CYFIP2: variants seen among roughly 807,000 people sequenced by gnomAD.
CYFIP2 encodes cytoplasmic FMR1 interacting protein 2, also known as cytoplasmic FMR1-interacting protein 2.
A neutral mutation model predicts 158.7 loss-of-function variants in CYFIP2; 29 were observed. The ratio of observed to expected loss-of-function variants is 0.18; its 90% confidence interval spans 0.14 to 0.25. The LOEUF is 0.25. CYFIP2 is among the 10% of genes least tolerant of loss of function. The probability of loss-of-function intolerance (pLI) is 1.00; values close to 1 mark genes in which losing one functional copy is unlikely to be tolerated. For synonymous variants in CYFIP2, 585 were observed against 617.6 expected, an observed-to-expected ratio of 0.95 and a Z score of 0.78; for missense variants, 852 against 1,639.5, an observed-to-expected ratio of 0.52 and a Z score of 8.29.
chr5:157,299,488 C>T (rs1758558809), intron 5 of CYFIP2, among the ~76,000 whole-genome samples: 1 of 152,240 alleles, frequency 6.6e-6, no homozygotes, highest in Admixed American at 6.5e-5. Flanking sequence ...TGATCTTCCT[C>T]CTTAGAAGGA....
chr5:157,272,555 C>T (rs543521517), intron 1 of CYFIP2, among the ~76,000 whole-genome samples: 1 of 152,310 alleles, frequency 6.6e-6, no homozygotes, highest in Admixed American at 6.5e-5. Context: ...TAGTAGCTGC[C>T]TCCAGATCTC....
intron 20 of CYFIP2, 104 bp downstream of exon 20, chr5:157,330,954 A>G: frequency 2.3e-6 from 2 of 856,216 alleles, no homozygotes; most frequent in East Asian, 2.6e-5. Flanking sequence ...TCTGCCCGGC[A>G]TGTTGCCAGT....
intron 9 of CYFIP2, among the ~76,000 whole-genome samples, chr5:157,308,230 C>A (rs1033715653): frequency 6.6e-6 from 1 of 151,502 alleles, no homozygotes; most frequent in Non-Finnish European, 1.5e-5. Flanking sequence ...AGCACCTGCT[C>A]TAATTTCCAG....
At position 157,317,813 on chromosome 5, in the gene CYFIP2, C is replaced by A. The variant is rs78766889; in HGVS notation, c.1357-1949C>A. 1.4e-4 allele frequency among the ~76,000 whole-genome samples: 22 copies of A among 152,320 alleles called. No individual in the cohort carries two copies. In the East Asian group the frequency reaches 4.2e-3, roughly 29 times the overall value. On this transcript the variant is annotated intron_variant, in intron 13 of 30. Coordinates refer to ENST00000620254, the MANE Select transcript of CYFIP2 (RefSeq NM_001037333.3). Reference sequence around the variant, plus strand: ...TACCAACAAAATGTAAAACTCCTTACAAAATAGTCCATCACAGTCATCATT... The same window carrying A: ...TACCAACAAAATGTAAAACTCCTTAAAAAATAGTCCATCACAGTCATCATT...
intron 23 of CYFIP2, among the ~76,000 whole-genome samples, chr5:157,346,070 C>A (rs1193293058): frequency 1.3e-5 from 2 of 151,912 alleles, no homozygotes; most frequent in African/African-American, 4.8e-5. Context: ...TTATCTTCAT[C>A]TTTCTTTATT....
intron 1 of CYFIP2, among the ~76,000 whole-genome samples, chr5:157,284,936 C>T (rs764794252): frequency 2.0e-5 from 3 of 152,136 alleles, no homozygotes; most frequent in Non-Finnish European, 2.9e-5. Context: ...TCATAAATAT[C>T]CTTATGAAGA....
chr5:157,342,906 C>T, intron 23 of CYFIP2: 1 of 1,614,102 alleles, frequency 6.2e-7, no homozygotes, highest in Non-Finnish European at 8.5e-7. Flanking sequence ...TCACCACCCC[C>T]CCTCTGTAAG....
chr5:157,267,820 G>A (rs1482789096), intron 1 of CYFIP2, among the ~76,000 whole-genome samples: 2 of 152,266 alleles, frequency 1.3e-5, no homozygotes, highest in Non-Finnish European at 2.9e-5. Context: ...TGGAGGTGGG[G>A]AGCTGGGTAG....
intron 5 of CYFIP2, among the ~76,000 whole-genome samples, chr5:157,299,284 G>A (rs1433145607): frequency 6.6e-6 from 1 of 152,126 alleles, no homozygotes; most frequent in African/African-American, 2.4e-5. Flanking sequence ...ACAAAGGCCT[G>A]CAAGAGACAG....
intron 29 of CYFIP2, 32 bp from the exon 30 acceptor site, chr5:157,390,489 T>C: frequency 9.6e-7 from 1 of 1,045,994 alleles, no homozygotes; most frequent in Non-Finnish European, 1.3e-6. Context: ...CCCCGACCTC[T>C]CACTCCAGCT....
At chr5:157,333,958 A>G (rs941562268) in intron 21 of CYFIP2, among the ~76,000 whole-genome samples, 6 of 152,240 alleles carry the variant, frequency 3.9e-5, no homozygotes, top group African/African-American at 1.4e-4. Flanking sequence ...CCTTTCTCCC[A>G]GAAAACAGCA....
At chr5:157,332,556 A>G (rs1761546019) in intron 20 of CYFIP2, among the ~76,000 whole-genome samples, 1 of 152,250 alleles carries the variant, frequency 6.6e-6, no homozygotes, top group Non-Finnish European at 1.5e-5. Context: ...TTCTAAATAC[A>G]GTTCCCATTC....
At chr5:157,354,433 A>G (rs2113328513) in intron 23 of CYFIP2, among the ~76,000 whole-genome samples, 1 of 152,184 alleles carries the variant, frequency 6.6e-6, no homozygotes, top group East Asian at 1.9e-4. Flanking sequence ...AGGCTCCCCT[A>G]TTCCCACATT....
intron 21 of CYFIP2, among the ~76,000 whole-genome samples, chr5:157,334,931 C>G (rs1299860874): frequency 6.6e-6 from 1 of 152,224 alleles, no homozygotes; most frequent in Non-Finnish European, 1.5e-5. Flanking sequence ...GATGATTGCA[C>G]TATGGTTCCG....
chr5:157,359,545 A>C (rs1350824115), intron 24 of CYFIP2, among the ~76,000 whole-genome samples: 1 of 152,198 alleles, frequency 6.6e-6, no homozygotes, highest in Admixed American at 6.5e-5. Context: ...CCCATGGCAG[A>C]CATCTCTAAT....
At position 157,369,680 on chromosome 5, in the gene CYFIP2, C is replaced by G. The variant is rs754357385; in HGVS notation, c.3039+8082C>G. Among the ~76,000 whole-genome samples, 37 of 152,142 alleles carry G rather than the reference C, an allele frequency of 2.4e-4. 1 individual carries two copies. The highest frequency in any genetic ancestry group is 5.1e-4 in the Non-Finnish European group (35 of 68,034). On this transcript the variant is annotated intron_variant, in intron 26 of 30. Coordinates refer to ENST00000620254, the MANE Select transcript of CYFIP2 (RefSeq NM_001037333.3). Reference sequence around the variant, plus strand: ...CAATGACTTTTCTGTGAGGACACCCCCAGTGGGCAGGGTCATATTACAGTC... The same window carrying G: ...CAATGACTTTTCTGTGAGGACACCCGCAGTGGGCAGGGTCATATTACAGTC...
In CYFIP2 at chr5:157,320,808, C is replaced by T. The variant is rs775900432; in HGVS notation, c.1671+6C>T. The T allele has an allele frequency of 5.3e-5, 83 of 1,564,296 alleles. No homozygotes were observed. The highest frequency in any genetic ancestry group is 2.3e-4 in the South Asian group (19 of 82,534). ...TGGGGCCATCCAGCACACAGGTAAGCGGCTCCAGGCACAGGCCAGCTGCGT... is the reference window on the plus strand; with the variant it reads ...TGGGGCCATCCAGCACACAGGTAAGTGGCTCCAGGCACAGGCCAGCTGCGT... On this transcript the variant is annotated splice_donor_region_variant and intron_variant, in intron 15 of 30. Transcript: ENST00000620254.
intron 21 of CYFIP2, among the ~76,000 whole-genome samples, chr5:157,338,824 C>G (rs909166540): frequency 9.2e-5 from 14 of 152,226 alleles, no homozygotes; most frequent in African/African-American, 3.4e-4. Flanking sequence ...CCTTCCCCTA[C>G]CTTGCCCTTA....
chr5:157,279,634 C>T (rs55819862), intron 1 of CYFIP2, among the ~76,000 whole-genome samples: 4,700 of 152,262 alleles, frequency 0.031, 106 homozygotes, highest in South Asian at 0.051. Flanking sequence ...ACCAGGCCAC[C>T]GACTGAGTTT....
Sources: allele counts gnomAD v4.1 joint callset (sites outside exome capture counted in the v4.1 genomes callset), GRCh38; gene constraint gnomAD v4.1.1; transcripts MANE v1.5; gene names NCBI Gene and HGNC (gene_info 2026-07-23, HGNC 2026-07-21).